The following CPQ variants were observed in gnomAD, a reference collection of about 807,000 sequenced individuals.
CPQ encodes carboxypeptidase Q, also known as Ser-Met dipeptidase.
Under a neutral mutation model 45.7 loss-of-function variants are expected in CPQ, and 37 were observed. The observed-to-expected ratio is 0.81, with a 90% CI of 0.62 to 1.07. The LOEUF is 1.07. Among genes scored for constraint, CPQ ranks in the 50% least tolerant of loss-of-function variants. The pLI is 0.00. For missense variants in CPQ, 537 were observed against 572.9 expected, an observed-to-expected ratio of 0.94 and a Z score of 0.64; for synonymous variants, 186 against 205.8, an observed-to-expected ratio of 0.90 and a Z score of 0.82.
At chr8:96,851,740 A>G (rs913239164) in intron 3 of CPQ, among the ~76,000 whole-genome samples, 3 of 152,018 alleles carry the variant, frequency 2.0e-5, no homozygotes, top group Non-Finnish European at 4.4e-5. Context: ...AGAAAACGAA[A>G]GGGGGAAAAC....
intron 7 of CPQ, 80 bp from the exon 8 acceptor site, chr8:97,142,940 A>C: frequency 7.0e-7 from 1 of 1,422,586 alleles, no homozygotes; most frequent in Non-Finnish European, 9.7e-7. Flanking sequence ...AGGAGCAGGC[A>C]AAAGTGAAGG....
At chr8:96,880,047 G>A (rs1252415732) in intron 4 of CPQ, 42 bp downstream of exon 4, 18 of 1,554,904 alleles carry the variant, frequency 1.2e-5, no homozygotes, top group Non-Finnish European at 1.5e-5. Flanking sequence ...CAGTTTCCTG[G>A]TCTAGTTTGA....
At chr8:96,733,475 A>G (rs1389986808) in intron 1 of CPQ, among the ~76,000 whole-genome samples, 1 of 152,192 alleles carries the variant, frequency 6.6e-6, no homozygotes, top group Non-Finnish European at 1.5e-5. Flanking sequence ...TCCAGTTTTA[A>G]CAATGAACTT....
intron 5 of CPQ, among the ~76,000 whole-genome samples, chr8:97,028,197 A>G (rs547263080): frequency 5.3e-5 from 8 of 152,366 alleles, no homozygotes; most frequent in African/African-American, 1.9e-4. Flanking sequence ...CTTCACAACT[A>G]TATTCAATTT....
chr8:96,878,213 G>T (rs1050436449), intron 3 of CPQ, among the ~76,000 whole-genome samples: 3 of 151,988 alleles, frequency 2.0e-5, no homozygotes, highest in African/African-American at 7.3e-5. Flanking sequence ...TGATCCACCT[G>T]CCTCAGCCTC....
At chr8:96,697,217 A>G (rs1393287178) in intron 1 of CPQ, among the ~76,000 whole-genome samples, 3 of 152,218 alleles carry the variant, frequency 2.0e-5, no homozygotes, top group African/African-American at 7.2e-5. Flanking sequence ...TATCCTCAAC[A>G]TATGCAAACC....
intron 3 of CPQ, among the ~76,000 whole-genome samples, chr8:96,853,548 A>G (rs553089378): frequency 1.3e-5 from 2 of 148,480 alleles, no homozygotes; most frequent in Non-Finnish European, 3.0e-5. Context: ...GCAGATGTTT[A>G]TAATACTGGG....
intron 5 of CPQ, among the ~76,000 whole-genome samples, chr8:96,986,699 C>T (rs1250202743): frequency 2.0e-5 from 3 of 152,098 alleles, no homozygotes; most frequent in African/African-American, 7.2e-5. Context: ...AGATGCAGCC[C>T]TCTTGCTGCT....
chr8:96,850,122 A>G (rs1013122585), intron 3 of CPQ, among the ~76,000 whole-genome samples: 17 of 152,270 alleles, frequency 1.1e-4, no homozygotes, highest in Admixed American at 4.6e-4. Context: ...AGAATATTCA[A>G]TGTGCTCCCC....
At chr8:96,885,981 A>G (rs1586438515) in intron 4 of CPQ, among the ~76,000 whole-genome samples, 2 of 39,086 alleles carry the variant, frequency 5.1e-5, no homozygotes, top group South Asian at 9.8e-4. Context: ...ATCTCAACAG[A>G]AAAAAAAAAG....
At chr8:96,871,787 C>T (rs988509443) in intron 3 of CPQ, among the ~76,000 whole-genome samples, 6 of 151,762 alleles carry the variant, frequency 4.0e-5, no homozygotes, top group Non-Finnish European at 5.9e-5. Context: ...GTACTGCTTT[C>T]GACCCATTTA....
intron 1 of CPQ, among the ~76,000 whole-genome samples, chr8:96,765,941 C>T (rs1435404209): frequency 1.3e-5 from 2 of 152,118 alleles, no homozygotes; most frequent in Non-Finnish European, 2.9e-5. Flanking sequence ...GTGCTGTGTA[C>T]GATGGAGAAA....
At chr8:96,668,323 A>G (rs1230670924) in intron 1 of CPQ, among the ~76,000 whole-genome samples, 2 of 152,238 alleles carry the variant, frequency 1.3e-5, no homozygotes, top group Non-Finnish European at 2.9e-5. Context: ...TAGATATTGA[A>G]AATCTAAACA....
chr8:96,798,844 C>T (rs534333670), intron 2 of CPQ, among the ~76,000 whole-genome samples: 1 of 152,162 alleles, frequency 6.6e-6, no homozygotes, highest in South Asian at 2.1e-4. Context: ...GTTATCTCCT[C>T]TGAAAAACTG....
At chr8:96,783,991 A>G (rs570591764) in intron 1 of CPQ, among the ~76,000 whole-genome samples, 1 of 152,134 alleles carries the variant, frequency 6.6e-6, no homozygotes, top group African/African-American at 2.4e-5. Context: ...CTCTAGAGCT[A>G]GAAAGCCTTT....
chr8:96,686,865 A>C lies in CPQ; in HGVS notation c.-35+41463A>C, dbSNP rs2651463. Among the ~76,000 whole-genome samples the C allele has an allele frequency of 4.9e-3, 740 of 152,304 alleles. 4 individuals are homozygous for C. The highest frequency in any genetic ancestry group is 0.017 in the African/African-American group (712 of 41,574). On this transcript the variant is annotated intron_variant, in intron 1 of 7. Transcript: ENST00000220763. Reference sequence around the variant, plus strand: ...TGACAATTTGTCCTCCTTTTAAAACAGATAGTGATATGTTAGATTTTCAAA... The same window carrying C: ...TGACAATTTGTCCTCCTTTTAAAACCGATAGTGATATGTTAGATTTTCAAA...
At chr8:96,904,315 A>G (rs1194301833) in intron 4 of CPQ, among the ~76,000 whole-genome samples, 1 of 152,242 alleles carries the variant, frequency 6.6e-6, no homozygotes, top group East Asian at 1.9e-4. Flanking sequence ...CAGGTGATCC[A>G]CAGATAGAGA....
rs550813171 is a variant in CPQ at position 96,694,337 on chromosome 8, T to TA, written c.-35+48947dup. Among the ~76,000 whole-genome samples, 1,239 of 143,430 alleles carry TA rather than the reference T, an allele frequency of 8.6e-3. 3 individuals are homozygous for TA. The highest frequency in any genetic ancestry group is 0.015 in the African/African-American group (596 of 39,392). 94.1% of individuals were successfully genotyped at this position (143,430 alleles called of 152,430 possible). Reference sequence around the variant, plus strand: ...AAGGACATGGAGTAACTGAATGGTTTAAAAAAAAAAAAGACCCAATTATCT... The same window carrying TA: ...AAGGACATGGAGTAACTGAATGGTTTAAAAAAAAAAAAAGACCCAATTATCT... On this transcript the variant is annotated intron_variant, in intron 1 of 7. Transcript: ENST00000220763.
At chr8:97,072,430 C>T (rs1311885695) in intron 7 of CPQ, among the ~76,000 whole-genome samples, 1 of 152,088 alleles carries the variant, frequency 6.6e-6, no homozygotes, top group East Asian at 1.9e-4. Context: ...AAATAACTTA[C>T]TCATGTAACC....
Sources: gnomAD v4.1 joint callset for allele counts (sites outside exome capture counted in the v4.1 genomes callset) on GRCh38, gnomAD v4.1.1 for gene constraint, MANE v1.5 for transcripts, NCBI Gene and HGNC (gene_info 2026-07-23, HGNC 2026-07-21) for gene names.